The following SPMIP7 variants were observed in gnomAD, a reference collection of about 807,000 sequenced individuals.
SPMIP7 encodes the protein sperm microtubule inner protein 7, also known as protein SPMIP7.
chr7:50,107,008 G>A, the SPMIP7 span, among the ~76,000 whole-genome samples: 1 of 152,054 alleles, frequency 6.6e-6, no homozygotes, highest in Non-Finnish European at 1.5e-5. Context: ...AGTCCAAGGT[G>A]GGCGGATCAC....
chr7:50,106,740 T>C, the SPMIP7 span, among the ~76,000 whole-genome samples: 2 of 151,792 alleles, frequency 1.3e-5, no homozygotes, highest in Non-Finnish European at 2.9e-5. Context: ...ATGCGTAAAA[T>C]GTTGAAGGAG....
At chr7:50,134,139 C>T in the SPMIP7 span, 1 of 1,550,028 alleles carries the variant, frequency 6.5e-7, no homozygotes, top group Non-Finnish European at 8.7e-7. Flanking sequence ...GGATAAGATG[C>T]TACCACCAAA....
the SPMIP7 span, among the ~76,000 whole-genome samples, chr7:50,108,296 A>C: frequency 6.6e-6 from 1 of 152,204 alleles, no homozygotes; most frequent in Non-Finnish European, 1.5e-5. Context: ...CTAGAAAGTG[A>C]AGACAGACAG....
the SPMIP7 span, among the ~76,000 whole-genome samples, chr7:50,145,843 T>A: frequency 6.6e-6 from 1 of 151,262 alleles, no homozygotes; most frequent in African/African-American, 2.4e-5. Context: ...TTTTCCAAAC[T>A]AGGCAGCTGC....
At chr7:50,137,256 AC>A in the SPMIP7 span, among the ~76,000 whole-genome samples, 1 of 152,196 alleles carries the variant, frequency 6.6e-6, no homozygotes, top group African/African-American at 2.4e-5. Context: ...ACTATATAAT[AC>A]AAAAATTGAT....
At chr7:50,115,672 C>T in the SPMIP7 span, among the ~76,000 whole-genome samples, 6 of 152,048 alleles carry the variant, frequency 3.9e-5, no homozygotes, top group Admixed American at 2.6e-4. Context: ...ATGGTTAATA[C>T]ATCATTATAA....
chr7:50,146,386 A>G, the SPMIP7 span, among the ~76,000 whole-genome samples: 2 of 152,212 alleles, frequency 1.3e-5, no homozygotes, highest in Non-Finnish European at 2.9e-5. Flanking sequence ...CCTTTGGCAA[A>G]TAATGGGTTC....
At chr7:50,145,052 AG>A in the SPMIP7 span, among the ~76,000 whole-genome samples, 1 of 151,844 alleles carries the variant, frequency 6.6e-6, no homozygotes, top group South Asian at 2.1e-4. Flanking sequence ...ACCTGAGGTG[AG>A]GAGTTGGAGA....
the SPMIP7 span, among the ~76,000 whole-genome samples, chr7:50,147,605 A>C: frequency 6.4e-4 from 98 of 152,346 alleles, no homozygotes; most frequent in South Asian, 2.5e-3. Flanking sequence ...TATACAATAC[A>C]TATATTCTAC....
the SPMIP7 span, among the ~76,000 whole-genome samples, chr7:50,155,723 C>T: frequency 6.9e-6 from 1 of 145,050 alleles, no homozygotes; most frequent in African/African-American, 2.5e-5. Flanking sequence ...TAACTTGTAT[C>T]TTTCAGCCAG....
At chr7:50,154,533 T>C in the SPMIP7 span, among the ~76,000 whole-genome samples, 1 of 152,236 alleles carries the variant, frequency 6.6e-6, no homozygotes, top group Non-Finnish European at 1.5e-5. Flanking sequence ...CAAAATGACT[T>C]CCAGGTCCAT....
the SPMIP7 span, among the ~76,000 whole-genome samples, chr7:50,114,150 A>G: frequency 1.3e-5 from 2 of 152,176 alleles, no homozygotes; most frequent in African/African-American, 4.8e-5. Flanking sequence ...GACCTGAAGG[A>G]ATTTCTTTAG....
At chr7:50,134,121 G>A in the SPMIP7 span, 30 of 1,545,298 alleles carry the variant, frequency 1.9e-5, no homozygotes, top group African/African-American at 3.7e-4. Flanking sequence ...TTATGAAGAT[G>A]TTCCTTGGGA....
At chr7:50,146,410 T>G in the SPMIP7 span, among the ~76,000 whole-genome samples, 1 of 152,172 alleles carries the variant, frequency 6.6e-6, no homozygotes, top group Non-Finnish European at 1.5e-5. Context: ...GAGCTTTGAG[T>G]TATACTGTTT....
the SPMIP7 span, among the ~76,000 whole-genome samples, chr7:50,156,548 C>A: frequency 6.6e-6 from 1 of 151,568 alleles, no homozygotes; most frequent in Non-Finnish European, 1.5e-5. Flanking sequence ...GTCACTTCCC[C>A]ACGCCCCTCT....
At chr7:50,158,070 C>A in the SPMIP7 span, among the ~76,000 whole-genome samples, 1 of 152,202 alleles carries the variant, frequency 6.6e-6, no homozygotes, top group African/African-American at 2.4e-5. Flanking sequence ...TGTTCACCCT[C>A]CCCCAGCAGC....
At chr7:50,152,024 T>G in the SPMIP7 span, among the ~76,000 whole-genome samples, 1 of 152,188 alleles carries the variant, frequency 6.6e-6, no homozygotes, top group Non-Finnish European at 1.5e-5. Flanking sequence ...AAGTCACATA[T>G]ATTTTTAAAC....
At chr7:50,100,463 AG>A in the SPMIP7 span, among the ~76,000 whole-genome samples, 4 of 152,170 alleles carry the variant, frequency 2.6e-5, no homozygotes, top group Non-Finnish European at 5.9e-5. Flanking sequence ...GGAAGTTCAG[AG>A]TTTCCTACTC....
the SPMIP7 span, among the ~76,000 whole-genome samples, chr7:50,099,204 G>A: frequency 6.6e-6 from 1 of 152,140 alleles, no homozygotes; most frequent in Non-Finnish European, 1.5e-5. Flanking sequence ...TTTGGTCTAT[G>A]TGTTATTCAA....
Sources: allele counts gnomAD v4.1 joint callset (sites outside exome capture counted in the v4.1 genomes callset), GRCh38; gene constraint gnomAD v4.1.1; transcripts MANE v1.5; gene names NCBI Gene and HGNC (gene_info 2026-07-23, HGNC 2026-07-21).